Variants in INTS4 observed in about 807,000 individuals in gnomAD.
The protein encoded by INTS4 is MSTP093.
In INTS4, 70 loss-of-function variants were observed where a neutral mutation model predicts 119.5. That is an observed-to-expected ratio of 0.59 (90% CI 0.48 to 0.71). INTS4 has a LOEUF of 0.71. Ranked by LOEUF, INTS4 falls within the 30% of genes least tolerant of loss-of-function variation. The pLI, the probability that INTS4 is intolerant of heterozygous loss-of-function variation, is 0.00. For synonymous variants in INTS4, 316 were observed against 419.6 expected (o/e 0.75, Z 3.02); for missense variants, 867 against 1,173.2 (o/e 0.74, Z 3.81).
At position 77,994,621 on chromosome 11, in the gene INTS4, C is replaced by G; in HGVS notation, c.23G>C (p.Arg8Pro). MAAHLKKRVYEEFTKVVQ... is the reference protein window; with the variant it reads MAAHLKKPVYEEFTKVVQ... ...CACTTTCGTGAATTCCTCATAAACC[C>G]GCTTCTTAAGGTGCGCCGCCATGCC... The change falls in exon 1 of 23, where the codon CGG (arginine) becomes CCG (proline). Residue 8 changes from arginine (R) to proline (P), a missense_variant. Coordinates refer to ENST00000534064, the MANE Select transcript of INTS4 (RefSeq NM_033547.4). The G allele has an allele frequency of 1.2e-6, 2 of 1,614,142 alleles. No individual in the cohort carries two copies. Among genetic ancestry groups the G allele is most frequent in the Non-Finnish European group, 1.7e-6 (2 of 1,179,988 alleles).
At chr11:77,935,751 C>T (rs1953772788) in intron 10 of INTS4, among the ~76,000 whole-genome samples, 2 of 151,844 alleles carry the variant, frequency 1.3e-5, no homozygotes, top group African/African-American at 4.8e-5. Context: ...CAAAAATTAG[C>T]CAGGTGTGGT....
chr11:77,898,778 G>A (rs1003594218), intron 18 of INTS4, among the ~76,000 whole-genome samples: 1 of 152,166 alleles, frequency 6.6e-6, no homozygotes, highest in African/African-American at 2.4e-5. Flanking sequence ...CCAGCACTTT[G>A]GGAGGCCAAG....
At chr11:77,925,430 T>C (rs1953473251) in intron 11 of INTS4, among the ~76,000 whole-genome samples, 2 of 152,042 alleles carry the variant, frequency 1.3e-5, no homozygotes, top group East Asian at 1.9e-4. Context: ...ATTGGAAAAA[T>C]GGCACCGATA....
In INTS4 at chr11:77,990,936, T is replaced by C. The variant is rs536784082; in HGVS notation, c.246+172A>G. On this transcript the variant is annotated intron_variant, in intron 2 of 22. Transcript: ENST00000534064. ...ATCTACTATACACAGTATAACTTTC[T>C]GAGGTCAAGATCTGTATCTTTTTTA... 2.0e-5 allele frequency among the ~76,000 whole-genome samples: 3 copies of C among 152,316 alleles called. No homozygotes were observed. In the East Asian group the frequency reaches 5.8e-4, roughly 29 times the overall value.
chr11:77,969,906 T>C (rs1855651747), intron 4 of INTS4, among the ~76,000 whole-genome samples: 1 of 152,214 alleles, frequency 6.6e-6, no homozygotes, highest in African/African-American at 2.4e-5. Context: ...AACTGACTCA[T>C]GTAATAGGTG....
At chr11:77,876,276 G>C (rs1381437085), downstream of INTS4, among the ~76,000 whole-genome samples, 2 of 152,178 alleles carry the variant, frequency 1.3e-5, no homozygotes, top group Admixed American at 1.3e-4. Context: ...GAAGAAACCA[G>C]AGGCCTGGGT....
intron 6 of INTS4, among the ~76,000 whole-genome samples, chr11:77,959,179 T>C (rs1954403104): frequency 6.6e-6 from 1 of 152,160 alleles, no homozygotes; most frequent in South Asian, 2.1e-4. Context: ...CCTGTAAAAA[T>C]CAAAGCACAC....
rs183957164 is a variant in INTS4, at chr11:77,932,346, A to T, written c.1166-3799T>A. ...GAAGACATTTATGCGACCAACAAAC[A>T]TATTAAAAAAAGCTCATCATCACTG... On this transcript the variant is annotated intron_variant, in intron 10 of 22. Coordinates refer to ENST00000534064, the MANE Select transcript of INTS4 (RefSeq NM_033547.4). Among the ~76,000 whole-genome samples, 317 of 152,344 alleles carry T rather than the reference A, an allele frequency of 2.1e-3. 5 individuals are homozygous for T. The highest frequency in any genetic ancestry group is 0.018 in the Admixed American group (282 of 15,306).
intron 9 of INTS4, among the ~76,000 whole-genome samples, chr11:77,939,780 G>A (rs1658497579): frequency 6.6e-6 from 1 of 151,748 alleles, no homozygotes; most frequent in African/African-American, 2.4e-5. Flanking sequence ...GGGAGGCAGA[G>A]GTTGCAGTGA....
intron 5 of INTS4, 46 bp from the exon 6 acceptor site, chr11:77,960,437 A>G (rs753391716): frequency 7.6e-7 from 1 of 1,314,264 alleles, no homozygotes; most frequent in African/African-American, 1.5e-5. Context: ...GAAAAGAGCA[A>G]TATTTCCAAT....
intron 4 of INTS4, among the ~76,000 whole-genome samples, 173 bp from the exon 5 acceptor site, chr11:77,961,311 G>A (rs1954470817): frequency 6.6e-6 from 1 of 151,814 alleles, no homozygotes; most frequent in African/African-American, 2.4e-5. Flanking sequence ...CTTGAGTACG[G>A]GTCTTCTCAA....
chr11:77,876,151 T>C (rs747160877), downstream of INTS4, among the ~76,000 whole-genome samples: 6 of 152,042 alleles, frequency 3.9e-5, no homozygotes, highest in Non-Finnish European at 7.4e-5. Context: ...ATGGCTACTT[T>C]TGTATGAGGG....
intron 8 of INTS4, among the ~76,000 whole-genome samples, chr11:77,950,851 T>G (rs540392194): frequency 1.3e-3 from 193 of 151,368 alleles, no homozygotes; most frequent in African/African-American, 4.1e-3. Flanking sequence ...TAGGTATATC[T>G]CCTAATGCTA....
intron 8 of INTS4, among the ~76,000 whole-genome samples, chr11:77,953,898 C>T (rs1020717811): frequency 6.6e-6 from 1 of 151,630 alleles, no homozygotes; most frequent in Non-Finnish European, 1.5e-5. Context: ...CGGGTAACCT[C>T]TGCCTCCCGG....
intron 14 of INTS4, among the ~76,000 whole-genome samples, chr11:77,919,526 T>G (rs1953287569): frequency 6.6e-6 from 1 of 152,212 alleles, no homozygotes; most frequent in African/African-American, 2.4e-5. Context: ...CCACAGGTGA[T>G]CTGCCTGCCT....
intron 4 of INTS4, chr11:77,963,318 C>CT: frequency 2.9e-6 from 1 of 340,462 alleles, no homozygotes; most frequent in Non-Finnish European, 5.3e-6. Context: ...TTAAGAACTG[C>CT]TTTTCTGGCC....
At chr11:77,948,150 A>C (rs905559338) in intron 8 of INTS4, among the ~76,000 whole-genome samples, 35 of 152,068 alleles carry the variant, frequency 2.3e-4, no homozygotes, top group African/African-American at 8.0e-4. Flanking sequence ...CACCAGCCTA[A>C]CTGAAGACTC....
Position 77,921,366 on chromosome 11 carries a change from G to C in INTS4, c.1738C>G (p.Leu580Val). ...CTCAAGGCAGGAACAAGATGAGAAA[G>C]ACTGTCTCGGAGGTAGGCATAGTGC... is the stretch of plus-strand genomic sequence containing the variant. The part of the protein sequence containing the change: ...FRHYAYLRDS[L>V]SHLVPALRLP... The change falls in exon 14 of 23, where the codon CTT becomes GTT. Residue 580 changes from leucine to valine, a missense_variant. Physicochemically the swap from Leu to Val is conservative, Grantham distance 32. This residue lies in a region of INTS4 where 262 missense variants were observed against 376.0 expected (regional missense o/e 0.70). Coordinates refer to ENST00000534064, the MANE Select transcript of INTS4 (RefSeq NM_033547.4). The C allele has an allele frequency of 6.2e-7, 1 of 1,613,574 alleles. No homozygotes were observed. Among genetic ancestry groups the C allele is most frequent in the Non-Finnish European group, 8.5e-7 (1 of 1,179,518 alleles).
chr11:77,983,958 C>A (rs1856350350), intron 2 of INTS4, among the ~76,000 whole-genome samples: 1 of 152,048 alleles, frequency 6.6e-6, no homozygotes, highest in Non-Finnish European at 1.5e-5. Flanking sequence ...TTATTCACAA[C>A]AGCTAAAATG....
Sources: gnomAD v4.1 joint callset for allele counts (sites outside exome capture counted in the v4.1 genomes callset) on GRCh38, gnomAD v4.1.1 for gene constraint, gnomAD v4.1.1 regional missense constraint, MANE v1.5 for transcripts, NCBI Gene and HGNC (gene_info 2026-07-23, HGNC 2026-07-21) for gene names.